DNAH14: variants seen among roughly 807,000 people sequenced by gnomAD.
DNAH14 encodes the protein dynein axonemal heavy chain 14.
DNAH14 carries 478 observed loss-of-function variants against 520.9 expected under a neutral mutation model. The observed-to-expected ratio is 0.92, with a 90% confidence interval of 0.85 to 0.99. The LOEUF (loss-of-function observed/expected upper bound fraction) is 0.99, where lower values mean the gene tolerates loss of function less well. Among genes scored for constraint, DNAH14 ranks in the 50% least tolerant of loss-of-function variants. The pLI, the probability that DNAH14 is intolerant of heterozygous loss-of-function variation, is 0.00. For synonymous variants in DNAH14, 1,581 were observed against 1,757.2 expected, an observed-to-expected ratio of 0.90 and a Z score of 2.51; for missense variants, 4,831 against 5,234.5, an observed-to-expected ratio of 0.92 and a Z score of 2.38.
chr1:225,132,210 C>A (rs1428100043), intron 27 of DNAH14, among the ~76,000 whole-genome samples: 1 of 150,896 alleles, frequency 6.6e-6, no homozygotes, highest in Admixed American at 6.6e-5. Context: ...TTTTCATCAA[C>A]TTTTATTTTA....
At chr1:224,937,496 A>G (rs569362708) in intron 1 of DNAH14, among the ~76,000 whole-genome samples, 1 of 152,056 alleles carries the variant, frequency 6.6e-6, no homozygotes, top group Non-Finnish European at 1.5e-5. Flanking sequence ...CAATCTAATC[A>G]AAGAAATGAA....
At chr1:225,246,884 C>A (rs2149679288) in intron 43 of DNAH14, among the ~76,000 whole-genome samples, 1 of 152,258 alleles carries the variant, frequency 6.6e-6, no homozygotes, top group East Asian at 1.9e-4. Flanking sequence ...TGGGTATATA[C>A]CCAAAGGAAT....
At chr1:225,335,154 T>TGTGCATGC (rs1292977597) in intron 66 of DNAH14, among the ~76,000 whole-genome samples, 26 of 147,690 alleles carry the variant, frequency 1.8e-4, no homozygotes, top group Non-Finnish European at 1.5e-5. Context: ...TGTGTACATG[T>TGTGCATGC]GTGCATGTGT....
chr1:225,096,132 AT>A, intron 21 of DNAH14, among the ~76,000 whole-genome samples: 1 of 136,104 alleles, frequency 7.3e-6, no homozygotes, highest in Non-Finnish European at 1.5e-5. Context: ...TGCCTGACTA[AT>A]TTGTTGTTGT....
chr1:225,106,660 A>C (rs994913410), intron 23 of DNAH14, among the ~76,000 whole-genome samples: 1 of 152,166 alleles, frequency 6.6e-6, no homozygotes, highest in Non-Finnish European at 1.5e-5. Context: ...TCTTTCTTCC[A>C]GTTGATTGAA....
chr1:224,950,872 C>CA lies in DNAH14; in HGVS notation c.-33-1788dup, dbSNP rs67474069. ...TTTTGCTCATAGGCCTACTGTATTA[C>CA]AAAAAAAAAATACTTAATTATTATT... On this transcript the variant is annotated intron_variant, in intron 1 of 85. Coordinates refer to ENST00000682510, the MANE Select transcript of DNAH14 (RefSeq NM_001367479.1). 5.7e-3 allele frequency among the ~76,000 whole-genome samples: 852 copies of CA among 149,208 alleles called. 6 individuals are homozygous for CA. The highest frequency in any genetic ancestry group is 0.018 in the African/African-American group (724 of 41,146).
intron 10 of DNAH14, among the ~76,000 whole-genome samples, chr1:225,012,741 C>G (rs1392846431): frequency 6.6e-6 from 1 of 152,028 alleles, no homozygotes; most frequent in African/African-American, 2.4e-5. Flanking sequence ...CTTTTTTCCA[C>G]TTGATTGCTT....
chr1:225,290,174 A>G, intron 55 of DNAH14, 92 bp downstream of exon 55: 1 of 924,226 alleles, frequency 1.1e-6, no homozygotes, highest in Non-Finnish European at 1.5e-6. Flanking sequence ...AGAAAACAAG[A>G]AAATATTTAT....
chr1:225,219,577 G>A (rs1262491727), intron 41 of DNAH14, among the ~76,000 whole-genome samples: 1 of 151,984 alleles, frequency 6.6e-6, no homozygotes, highest in Non-Finnish European at 1.5e-5. Flanking sequence ...ATAAATTCCT[G>A]GAGACATACG....
At chr1:224,948,312 G>A (rs1009213226) in intron 1 of DNAH14, among the ~76,000 whole-genome samples, 29 of 151,604 alleles carry the variant, frequency 1.9e-4, no homozygotes, top group African/African-American at 5.8e-4. Context: ...TGAAAATTTA[G>A]TCACTATGTA....
chr1:225,175,701 C>CTTT (rs35341695), intron 36 of DNAH14, among the ~76,000 whole-genome samples: 37 of 109,200 alleles, frequency 3.4e-4, no homozygotes, highest in African/African-American at 1.1e-3. Flanking sequence ...TATTTTGGAT[C>CTTT]TTTTTTTTTT....
chr1:225,360,671 T>G lies in DNAH14; in HGVS notation c.11777-10T>G, dbSNP rs1261501492. The G allele has an allele frequency of 6.5e-7, 1 of 1,549,512 alleles. No individual in the cohort carries two copies. The highest frequency in any genetic ancestry group is 8.7e-7 in the Non-Finnish European group (1 of 1,145,290). On this transcript the variant is annotated splice_polypyrimidine_tract_variant and intron_variant, in intron 74 of 85. Coordinates refer to ENST00000682510, the MANE Select transcript of DNAH14 (RefSeq NM_001367479.1). ...TACAGTTTTATATACCTCTCCACGTTGTTATACAGGGATCGACCTTACCAA... is the reference window on the plus strand; with the variant it reads ...TACAGTTTTATATACCTCTCCACGTGGTTATACAGGGATCGACCTTACCAA...
chr1:225,278,933 C>T (rs575028741), intron 54 of DNAH14, among the ~76,000 whole-genome samples: 1 of 152,294 alleles, frequency 6.6e-6, no homozygotes, highest in Non-Finnish European at 1.5e-5. Context: ...GAAGGTAAAA[C>T]ATGGCAAATT....
At position 225,056,976 on chromosome 1, in the gene DNAH14, C is replaced by A. The variant is rs1304362743; in HGVS notation, c.2424+5181C>A. On this transcript the variant is annotated intron_variant, in intron 17 of 85. Transcript: ENST00000682510. ...AAGTCAGGTAGCGTGATGTGTCCAG[C>A]TTTGTTCTTTTGACTTAGGATTGAC... Among the ~76,000 whole-genome samples, 10 of 152,224 alleles carry A rather than the reference C, an allele frequency of 6.6e-5. 1 individual carries two copies. The South Asian group carries it at 1.5e-3, about 22-fold the overall frequency.
At chr1:225,185,950 T>TTTG (rs2084663458) in intron 37 of DNAH14, among the ~76,000 whole-genome samples, 2 of 149,042 alleles carry the variant, frequency 1.3e-5, no homozygotes, top group African/African-American at 4.9e-5. Context: ...CACTTTGTTT[T>TTTG]TTTTTTTTTT....
At chr1:225,184,481 G>T (rs1377261080) in intron 36 of DNAH14, among the ~76,000 whole-genome samples, 1 of 152,000 alleles carries the variant, frequency 6.6e-6, no homozygotes, top group Admixed American at 6.6e-5. Context: ...TTAGCCAGCT[G>T]TGATGGCACG....
intron 76 of DNAH14, 37 bp downstream of exon 76, chr1:225,364,931 G>A: frequency 7.1e-7 from 1 of 1,415,600 alleles, no homozygotes; most frequent in Admixed American, 2.3e-5. Context: ...TGTTGACTGA[G>A]GAGCCCTGTT....
At chr1:224,950,238 G>A (rs2060085999) in intron 1 of DNAH14, among the ~76,000 whole-genome samples, 1 of 151,962 alleles carries the variant, frequency 6.6e-6, no homozygotes, top group African/African-American at 2.4e-5. Flanking sequence ...GTTTAATGCT[G>A]TTATTATTAT....
chr1:225,242,072 A>T (rs998400699), intron 43 of DNAH14, among the ~76,000 whole-genome samples: 1 of 152,118 alleles, frequency 6.6e-6, no homozygotes, highest in African/African-American at 2.4e-5. Context: ...AAAACAAATG[A>T]GTGAATAAAT....
Sources: allele counts gnomAD v4.1 joint callset (sites outside exome capture counted in the v4.1 genomes callset), GRCh38; gene constraint gnomAD v4.1.1; transcripts MANE v1.5; gene names NCBI Gene and HGNC (gene_info 2026-07-23, HGNC 2026-07-21).